The following JAKMIP3 variants were observed in gnomAD, a reference collection of about 807,000 sequenced individuals.
The protein encoded by JAKMIP3 is Janus kinase and microtubule interacting protein 3.
In JAKMIP3, 58 loss-of-function variants were observed where a neutral mutation model predicts 118.5. That is an observed-to-expected ratio of 0.49 (90% CI 0.40 to 0.61). The LOEUF is 0.61. JAKMIP3 is among the 20% of genes least tolerant of loss of function. JAKMIP3 has a pLI of 0.00. For missense variants in JAKMIP3, 950 were observed against 1,109.0 expected (o/e 0.86, Z 2.04); for synonymous variants, 486 against 451.2 (o/e 1.08, Z -0.98).
chr10:132,119,712 C>G (rs1175258706), intron 3 of JAKMIP3, among the ~76,000 whole-genome samples: 1 of 152,220 alleles, frequency 6.6e-6, no homozygotes, highest in Non-Finnish European at 1.5e-5. Flanking sequence ...ATTTCAGAAT[C>G]ATCTTTGCTG....
intron 3 of JAKMIP3, among the ~76,000 whole-genome samples, chr10:132,132,695 C>T (rs920489930): frequency 2.0e-4 from 30 of 152,318 alleles, no homozygotes; most frequent in Admixed American, 3.3e-4. Flanking sequence ...GACAGCTGTG[C>T]GGGGCCCCAG....
chr10:132,141,024 G>A (rs756817754), intron 10 of JAKMIP3, among the ~76,000 whole-genome samples: 6 of 152,226 alleles, frequency 3.9e-5, no homozygotes, highest in Admixed American at 3.3e-4. Flanking sequence ...TAACAGCACA[G>A]GTGTGTCTGC....
chr10:132,065,729 C>T (rs559887105), upstream of JAKMIP3, among the ~76,000 whole-genome samples: 67 of 152,032 alleles, frequency 4.4e-4, no homozygotes, highest in Non-Finnish European at 8.7e-4. The surrounding 1 kb of genome is among the most constrained non-coding windows in gnomAD (Gnocchi z 5.6). Flanking sequence ...GGCCCCTTCC[C>T]CACCGAGAAG....
intron 1 of JAKMIP3, among the ~76,000 whole-genome samples, chr10:132,078,675 A>G (rs1225178261): frequency 6.7e-6 from 1 of 149,556 alleles, no homozygotes; most frequent in East Asian, 1.9e-4. Context: ...TCATGTAGCT[A>G]CTCCTGAGGT....
chr10:132,108,201 C>T (rs1452606368), intron 2 of JAKMIP3, among the ~76,000 whole-genome samples: 2 of 152,322 alleles, frequency 1.3e-5, no homozygotes, highest in Admixed American at 6.5e-5. Context: ...CCTCACTGTG[C>T]AGCAGAGCCT....
chr10:132,063,231 G>A (rs760335881), upstream of JAKMIP3, among the ~76,000 whole-genome samples: 52 of 152,312 alleles, frequency 3.4e-4, no homozygotes, highest in African/African-American at 6.7e-4. Context: ...AGGCAGCCAC[G>A]TGAGACATAG....
intron 23 of JAKMIP3, chr10:132,170,316 CACA>C (rs1316040637): frequency 7.2e-5 from 11 of 152,338 alleles, no homozygotes; most frequent in South Asian, 4.1e-4. Context: ...CGCCCCACAG[CACA>C]ACAACACACA....
chr10:132,116,252 G>T (rs573191895), intron 2 of JAKMIP3, among the ~76,000 whole-genome samples: 21 of 152,340 alleles, frequency 1.4e-4, no homozygotes, highest in African/African-American at 5.1e-4. Flanking sequence ...CCTCAGGTTT[G>T]CCTGAACAGT....
chr10:132,071,597 T>C (rs951275851), intron 1 of JAKMIP3, among the ~76,000 whole-genome samples: 111 of 152,226 alleles, frequency 7.3e-4, no homozygotes, highest in African/African-American at 2.6e-3. Context: ...TTTCTACTTC[T>C]GTTTCTATTA....
At chr10:132,180,966 ATT>A (rs1471648237) in intron 23 of JAKMIP3, among the ~76,000 whole-genome samples, 1 of 150,954 alleles carries the variant, frequency 6.6e-6, no homozygotes, top group African/African-American at 2.4e-5. Context: ...ATTTGTGCGT[ATT>A]GTGTGGGCAT....
At chr10:132,106,707 T>A (rs11146185) in intron 2 of JAKMIP3, among the ~76,000 whole-genome samples, 1 of 152,080 alleles carries the variant, frequency 6.6e-6, no homozygotes, top group East Asian at 1.9e-4. Flanking sequence ...AAGGTCAGGG[T>A]GCTAATGCCC....
At position 132,167,955 on chromosome 10, in the gene JAKMIP3, C is replaced by T. The variant is rs1372224136; in HGVS notation, c.*25C>T. ...ACTCTACGTTTCATTTCTTCCAGCC[C>T]CACATTGAATCGGACCCTTTTCCTC... On this transcript the variant is annotated splice_region_variant and 3_prime_UTR_variant, in exon 23 of 24. Coordinates refer to ENST00000684848, the MANE Select transcript of JAKMIP3 (RefSeq NM_001323087.2). 1 of 1,289,350 alleles carries T rather than the reference C, an allele frequency of 7.8e-7. No individual in the cohort carries two copies. The allele number at this position is 1,289,350 out of a possible 1,614,324, so 79.9% of individuals were successfully genotyped here.
At chr10:132,060,935 G>A (rs966670358), upstream of JAKMIP3, among the ~76,000 whole-genome samples, 7 of 152,226 alleles carry the variant, frequency 4.6e-5, no homozygotes, top group Non-Finnish European at 7.4e-5. Flanking sequence ...CAGGAGAATC[G>A]CTTGAACCAG....
At chr10:132,102,639 G>A (rs2045156938) in intron 1 of JAKMIP3, among the ~76,000 whole-genome samples, 1 of 152,168 alleles carries the variant, frequency 6.6e-6, no homozygotes, top group African/African-American at 2.4e-5. Flanking sequence ...CCCAGGTGAC[G>A]GGTCACCTCC....
intron 11 of JAKMIP3, among the ~76,000 whole-genome samples, chr10:132,143,445 T>C (rs1182938074): frequency 6.6e-6 from 1 of 152,016 alleles, no homozygotes; most frequent in African/African-American, 2.4e-5. Flanking sequence ...CTGTCTTCCC[T>C]TTTTCCTGTC....
Position 132,180,700 on chromosome 10 carries a change from T to TGTGTGTGCGCGTGTGTGTGC in JAKMIP3, c.*1104-1649_*1104-1630dup, listed in dbSNP as rs2061100624. ...GCGCGCGCGTGTGTGTGCGTGCGTGTGTGTGTGCGCGTGTGTGTGCGTGTG... is the reference window on the plus strand; with the variant it reads ...GCGCGCGCGTGTGTGTGCGTGCGTGTGTGTGTGCGCGTGTGTGTGCGTGTGTGCGCGTGTGTGTGCGTGTG... On this transcript the variant is annotated intron_variant, in intron 23 of 23. Coordinates refer to ENST00000684848, the MANE Select transcript of JAKMIP3 (RefSeq NM_001323087.2). Among the ~76,000 whole-genome samples, 9 of 18,294 alleles carry TGTGTGTGCGCGTGTGTGTGC rather than the reference T, an allele frequency of 4.9e-4. 3 individuals are homozygous for TGTGTGTGCGCGTGTGTGTGC. Among genetic ancestry groups the TGTGTGTGCGCGTGTGTGTGC allele is most frequent in the Non-Finnish European group, 9.5e-4 (9 of 9,490 alleles). 12.0% of individuals were successfully genotyped at this position (18,294 alleles called of 152,430 possible). A position where few individuals can be genotyped will look rare whatever the true frequency, so the allele number is the denominator to read the frequency against.
rs865876187 is a variant in JAKMIP3, at chr10:132,184,573, G to A, written c.*3320G>A. 5.3e-5 allele frequency: 8 copies of A among 152,074 alleles called. No homozygotes were observed. The highest frequency in any genetic ancestry group is 7.4e-5 in the Non-Finnish European group (5 of 68,024). The allele number at this position is 152,074 out of a possible 1,614,324, so 9.4% of individuals were successfully genotyped here. A position where few individuals can be genotyped will look rare whatever the true frequency, so the allele number is the denominator to read the frequency against. Reference sequence around the variant, plus strand: ...AAACTAACCGGGCCTGTTTTCTTACGGCGGCATGCCAGGTAGTGTGTGTAT... The same window carrying A: ...AAACTAACCGGGCCTGTTTTCTTACAGCGGCATGCCAGGTAGTGTGTGTAT... On this transcript the variant is annotated 3_prime_UTR_variant, in exon 24 of 24. Transcript: ENST00000684848.
chr10:132,138,247 G>A lies in JAKMIP3; in HGVS notation c.1344+69G>A. The A allele has an allele frequency of 3.6e-6, 5 of 1,386,430 alleles. No homozygotes were observed. In the South Asian group the frequency reaches 3.7e-5, roughly 10 times the overall value. The allele number at this position is 1,386,430 out of a possible 1,614,324, so 85.9% of individuals were successfully genotyped here. A position where few individuals can be genotyped will look rare whatever the true frequency, so the allele number is the denominator to read the frequency against. ...TGTGCGGAGAGGACCACGCCCGCGT[G>A]TGTGGAGAGCGCTGGTGTGTGCGGA... On this transcript the variant is annotated intron_variant, in intron 9 of 23. Transcript: ENST00000684848.
intron 1 of JAKMIP3, among the ~76,000 whole-genome samples, chr10:132,087,755 C>G (rs763889513): frequency 3.3e-5 from 5 of 151,414 alleles, no homozygotes; most frequent in Non-Finnish European, 7.4e-5. Flanking sequence ...ATGTGCACAA[C>G]GTGCAGGTTA....
Sources: allele counts gnomAD v4.1 joint callset (sites outside exome capture counted in the v4.1 genomes callset), GRCh38; gene constraint gnomAD v4.1.1; non-coding constraint Gnocchi (gnomAD v3.1); transcripts MANE v1.5; gene names NCBI Gene and HGNC (gene_info 2026-07-23, HGNC 2026-07-21).